MAST4: variants seen among roughly 807,000 people sequenced by gnomAD.
The protein encoded by MAST4 is microtubule-associated serine/threonine-protein kinase 4.
MAST4 carries 89 observed loss-of-function variants against 162.7 expected under a neutral mutation model. The observed-to-expected ratio is 0.55, with a 90% confidence interval of 0.46 to 0.65. The LOEUF is 0.65. MAST4 is among the 30% of genes least tolerant of loss of function. The pLI is 0.00. For missense variants in MAST4, 3,153 were observed against 3,374.0 expected, an observed-to-expected ratio of 0.93 and a Z score of 1.62; for synonymous variants, 1,479 against 1,361.1, an observed-to-expected ratio of 1.09 and a Z score of -1.91.
At chr5:66,943,708 A>G (rs1035030132) in intron 4 of MAST4, among the ~76,000 whole-genome samples, 2 of 151,982 alleles carry the variant, frequency 1.3e-5, no homozygotes, top group African/African-American at 4.8e-5. Context: ...CAGGAACACT[A>G]GGATATCAAT....
intron 2 of MAST4, among the ~76,000 whole-genome samples, chr5:66,780,611 A>G (rs258259): frequency 0.86 from 131,271 of 152,194 alleles, 56,813 homozygotes; most frequent in African/African-American, 0.92. Flanking sequence ...CCACAGTGTG[A>G]AAAGGGACCC....
chr5:66,662,598 G>A (rs1344305546), intron 1 of MAST4: 1 of 152,120 alleles, frequency 6.6e-6, no homozygotes, highest in African/African-American at 2.4e-5. Context: ...TAAAGATAAA[G>A]GGACAGTAGT....
At chr5:66,865,117 G>C (rs1261100250) in intron 3 of MAST4, among the ~76,000 whole-genome samples, 2 of 152,246 alleles carry the variant, frequency 1.3e-5, no homozygotes, top group Non-Finnish European at 2.9e-5. Context: ...GGTGTTCTTT[G>C]CTGGAGATGA....
intron 4 of MAST4, among the ~76,000 whole-genome samples, chr5:66,909,672 G>A (rs771158046): frequency 1.6e-4 from 24 of 152,300 alleles, no homozygotes; most frequent in Admixed American, 5.2e-4. Flanking sequence ...AGGTCAACAT[G>A]CTTGGGTTAG....
At chr5:67,100,622 T>C in intron 8 of MAST4, 30 bp downstream of exon 8, 1 of 1,613,038 alleles carries the variant, frequency 6.2e-7, no homozygotes. Context: ...AACCATTACT[T>C]AGTTGGATTC....
intron 4 of MAST4, among the ~76,000 whole-genome samples, chr5:67,049,305 G>T (rs1361871156): frequency 1.3e-5 from 2 of 151,544 alleles, no homozygotes; most frequent in African/African-American, 4.9e-5. Context: ...TAAAATTTTT[G>T]AGACCAAAAA....
At position 67,165,189 on chromosome 5, in the gene MAST4, G is replaced by C. The variant is rs1226940276; in HGVS notation, c.6010G>C (p.Glu2004Gln). 5 of 1,607,874 alleles carry C rather than the reference G, an allele frequency of 3.1e-6. No individual in the cohort carries two copies. The highest frequency in any genetic ancestry group is 4.2e-6 in the Non-Finnish European group (5 of 1,177,178). Reference sequence around the variant, plus strand: ...GCCCTCCATGGAACTGTGCTTTCCAGAAACTGCGAAAACCAGTGACAACTC... The same window carrying C: ...GCCCTCCATGGAACTGTGCTTTCCACAAACTGCGAAAACCAGTGACAACTC... Reference protein sequence around the residue: ...REPSMELCFPETAKTSDNSKN... With the variant: ...REPSMELCFPQTAKTSDNSKN... The change falls in exon 29 of 29, where the codon GAA becomes CAA. Residue 2004 changes from glutamate to glutamine, a missense_variant. Around this residue, in one of 7 missense-constraint regions of MAST4, gnomAD observed 1,644 missense variants for 1,495.0 expected, o/e 1.10. Coordinates refer to ENST00000403625, the MANE Select transcript of MAST4 (RefSeq NM_001164664.2).
chr5:67,041,343 T>G (rs1756712589), intron 4 of MAST4, among the ~76,000 whole-genome samples: 1 of 152,186 alleles, frequency 6.6e-6, no homozygotes, highest in African/African-American at 2.4e-5. Context: ...CAATTATACT[T>G]CTTACTGGTA....
At chr5:66,931,429 G>A (rs930168157) in intron 4 of MAST4, among the ~76,000 whole-genome samples, 57 of 152,072 alleles carry the variant, frequency 3.7e-4, no homozygotes, top group African/African-American at 1.4e-3. Context: ...TCTGTACTGG[G>A]TTTGTGGAAA....
At chr5:67,137,854 C>T (rs1005779711) in intron 19 of MAST4, among the ~76,000 whole-genome samples, 2 of 152,182 alleles carry the variant, frequency 1.3e-5, no homozygotes, top group African/African-American at 4.8e-5. Flanking sequence ...AGACCGCATG[C>T]CCTGCAAAGA....
At chr5:66,889,632 T>C (rs921902948) in intron 3 of MAST4, among the ~76,000 whole-genome samples, 1 of 152,196 alleles carries the variant, frequency 6.6e-6, no homozygotes, top group African/African-American at 2.4e-5. Flanking sequence ...TCACATACCC[T>C]TGCTCTTTTA....
chr5:67,016,742 T>A (rs628763), intron 4 of MAST4, among the ~76,000 whole-genome samples: 1 of 151,968 alleles, frequency 6.6e-6, no homozygotes, highest in African/African-American at 2.4e-5. Context: ...CTTTGAATGA[T>A]TAACACCCCA....
Position 66,676,823 on chromosome 5 carries a change from G to T in MAST4, c.363+79805G>T, listed in dbSNP as rs142865207. Among the ~76,000 whole-genome samples the T allele has an allele frequency of 6.8e-3, 1,032 of 152,304 alleles. 2 individuals carry two copies. The highest frequency in any genetic ancestry group is 0.03 in the South Asian group (144 of 4,826). On this transcript the variant is annotated intron_variant, in intron 1 of 28. Coordinates refer to ENST00000403625, the MANE Select transcript of MAST4 (RefSeq NM_001164664.2). ...GATCAAGGAAATTCTAAAGGTAATT[G>T]CTATGGGAGTTTAACTTGCCAGAGA...
At chr5:66,770,607 G>T (rs139147340) in intron 2 of MAST4, among the ~76,000 whole-genome samples, 1 of 152,316 alleles carries the variant, frequency 6.6e-6, no homozygotes, top group Non-Finnish European at 1.5e-5. Context: ...CAGGCCTTTT[G>T]CACCAGTGAC....
intron 1 of MAST4, among the ~76,000 whole-genome samples, chr5:66,734,111 T>G (rs1752021474): frequency 6.6e-6 from 1 of 152,212 alleles, no homozygotes; most frequent in African/African-American, 2.4e-5. Context: ...CTTTTCTCCT[T>G]CTGTACTATG....
At chr5:66,873,076 C>T (rs1020335557) in intron 3 of MAST4, among the ~76,000 whole-genome samples, 3 of 152,128 alleles carry the variant, frequency 2.0e-5, no homozygotes, top group African/African-American at 7.2e-5. Flanking sequence ...TTTTCCTAGA[C>T]AGACTTTAAG....
intron 1 of MAST4, among the ~76,000 whole-genome samples, chr5:66,739,014 TC>T (rs766568972): frequency 6.6e-6 from 1 of 152,174 alleles, no homozygotes; most frequent in Non-Finnish European, 1.5e-5. Flanking sequence ...TTCCTATAGA[TC>T]TTTTTTTTTG....
chr5:66,789,009 C>T (rs1381427312), intron 3 of MAST4, among the ~76,000 whole-genome samples: 1 of 152,232 alleles, frequency 6.6e-6, no homozygotes, highest in Non-Finnish European at 1.5e-5. Context: ...CTCTACCCTT[C>T]TCCCAAAAGA....
intron 3 of MAST4, chr5:66,828,910 T>C (rs1329185471): frequency 9.1e-6 from 14 of 1,538,172 alleles, no homozygotes; most frequent in Non-Finnish European, 1.2e-5. Context: ...TCTTGACATG[T>C]AGCATTGTCA....
Sources: allele counts gnomAD v4.1 joint callset (sites outside exome capture counted in the v4.1 genomes callset), GRCh38; gene constraint gnomAD v4.1.1; regional missense constraint gnomAD v4.1.1; transcripts MANE v1.5; gene names NCBI Gene and HGNC (gene_info 2026-07-23, HGNC 2026-07-21).